Variants in TAFA2 observed in about 807,000 individuals in gnomAD.
TAFA2 encodes TAFA chemokine like family member 2, also known as chemokine-like protein TAFA-2.
TAFA2 carries 7 observed loss-of-function variants against 18.8 expected under a neutral mutation model. That is an observed-to-expected ratio of 0.37 (90% confidence interval 0.21 to 0.70). The LOEUF (loss-of-function observed/expected upper bound fraction) is 0.70, where lower values mean the gene tolerates loss of function less well. Among genes scored for constraint, TAFA2 ranks in the 30% least tolerant of loss-of-function variants. The pLI is 0.53. For missense variants in TAFA2, 122 were observed against 158.1 expected (o/e 0.77, Z 1.23); for synonymous variants, 60 against 54.2 (o/e 1.11, Z -0.47).
intron 1 of TAFA2, among the ~76,000 whole-genome samples, chr12:62,255,693 A>G (rs546781074): frequency 1.1e-4 from 17 of 151,660 alleles, no homozygotes; most frequent in Non-Finnish European, 2.4e-4. Context: ...TCTCTACTAA[A>G]AATACAAAAA....
At position 62,077,280 on chromosome 12, in the gene TAFA2, C is replaced by T. The variant is rs528049061; in HGVS notation, c.-2+113979G>A. ...ATATAAACATGGTTTAATGAGGATG[C>T]TTTTATTCTGTGTTCTGTTCCCATT... On this transcript the variant is annotated intron_variant, in intron 1 of 4. Transcript: ENST00000416284. Among the ~76,000 whole-genome samples, 167 of 152,228 alleles carry T rather than the reference C, an allele frequency of 1.1e-3. 1 individual carries two copies. Among genetic ancestry groups the T allele is most frequent in the African/African-American group, 3.9e-3 (162 of 41,536 alleles).
At chr12:61,832,895 T>A (rs892307124) in intron 2 of TAFA2, among the ~76,000 whole-genome samples, 1 of 151,650 alleles carries the variant, frequency 6.6e-6, no homozygotes, top group African/African-American at 2.4e-5. Context: ...GACCAGCTCA[T>A]CCAATACTAG....
intron 1 of TAFA2, among the ~76,000 whole-genome samples, chr12:61,927,533 C>A (rs1014142876): frequency 1.3e-5 from 2 of 152,146 alleles, no homozygotes; most frequent in African/African-American, 2.4e-5. Context: ...AATGGGAAAA[C>A]ATTCCATGCT....
chr12:62,131,367 A>G (rs564946398), intron 1 of TAFA2, among the ~76,000 whole-genome samples: 12 of 152,164 alleles, frequency 7.9e-5, no homozygotes, highest in East Asian at 7.7e-4. Context: ...GCTCCTCCCT[A>G]TTAAGGGCTG....
At chr12:62,162,066 T>C (rs531226688) in intron 1 of TAFA2, among the ~76,000 whole-genome samples, 31 of 152,316 alleles carry the variant, frequency 2.0e-4, no homozygotes, top group South Asian at 1.5e-3. Flanking sequence ...GAAATGTATG[T>C]AAATCCTTCT....
At chr12:62,168,706 G>A (rs865980588) in intron 1 of TAFA2, among the ~76,000 whole-genome samples, 2 of 151,962 alleles carry the variant, frequency 1.3e-5, no homozygotes, top group South Asian at 4.1e-4. Context: ...GCATGGAGGC[G>A]TGCACCTGTG....
intron 1 of TAFA2, among the ~76,000 whole-genome samples, chr12:62,109,898 T>C (rs893960035): frequency 6.6e-6 from 1 of 152,242 alleles, no homozygotes; most frequent in African/African-American, 2.4e-5. Flanking sequence ...TGGGGTTTTC[T>C]AAATATACAA....
At chr12:62,106,047 T>C (rs1869434051) in intron 1 of TAFA2, among the ~76,000 whole-genome samples, 1 of 151,978 alleles carries the variant, frequency 6.6e-6, no homozygotes, top group South Asian at 2.1e-4. Context: ...TAAAGAAAAG[T>C]ATAGGCCGGG....
At chr12:61,769,262 C>T (rs1030438762) in intron 2 of TAFA2, among the ~76,000 whole-genome samples, 6 of 151,378 alleles carry the variant, frequency 4.0e-5, no homozygotes, top group African/African-American at 9.6e-5. Context: ...CTACCCACCC[C>T]GGTAGTCAAA....
intron 1 of TAFA2, among the ~76,000 whole-genome samples, chr12:62,209,271 TAGTG>T (rs1199106536): frequency 6.6e-6 from 1 of 152,292 alleles, no homozygotes; most frequent in Non-Finnish European, 1.5e-5. Flanking sequence ...ATTCTCATAA[TAGTG>T]AGTAAGTTCT....
chr12:61,987,833 A>G (rs1879868993), intron 1 of TAFA2, among the ~76,000 whole-genome samples: 1 of 152,218 alleles, frequency 6.6e-6, no homozygotes, highest in South Asian at 2.1e-4. Context: ...AAAAAGATCA[A>G]GGGGAAAATC....
intron 1 of TAFA2, among the ~76,000 whole-genome samples, chr12:62,091,490 A>G (rs955346587): frequency 6.6e-6 from 1 of 151,940 alleles, no homozygotes; most frequent in African/African-American, 2.4e-5. Context: ...ATATTTTTAT[A>G]CCATGCACTT....
chr12:61,724,685 C>T (rs562544337), intron 4 of TAFA2, among the ~76,000 whole-genome samples: 26 of 151,636 alleles, frequency 1.7e-4, no homozygotes, highest in African/African-American at 6.0e-4. Context: ...TGGCCTCCAT[C>T]CAGGTTACTG....
chr12:62,010,782 C>T (rs111547510), intron 1 of TAFA2, among the ~76,000 whole-genome samples: 26,323 of 142,176 alleles, frequency 0.19, 2,697 homozygotes, highest in African/African-American at 0.26. Flanking sequence ...AGGTGAGGGG[C>T]GCCTCTGCCC....
intron 1 of TAFA2, among the ~76,000 whole-genome samples, chr12:62,003,639 T>C (rs1880452116): frequency 6.6e-6 from 1 of 152,204 alleles, no homozygotes; most frequent in African/African-American, 2.4e-5. Context: ...AAATGTCTAC[T>C]CTACTATACA....
At chr12:61,824,659 T>C (rs1872466620) in intron 2 of TAFA2, among the ~76,000 whole-genome samples, 2 of 152,204 alleles carry the variant, frequency 1.3e-5, no homozygotes, top group South Asian at 4.1e-4. Flanking sequence ...GGCTGGTTCT[T>C]TGGCCATTCC....
rs79297192 is a variant in TAFA2 at position 62,152,828 on chromosome 12, T to C, written c.-2+38431A>G. 5.3e-3 allele frequency among the ~76,000 whole-genome samples: 811 copies of C among 152,320 alleles called. 9 individuals are homozygous for C. The highest frequency in any genetic ancestry group is 0.017 in the African/African-American group (704 of 41,568). ...GAGCCAGTTCTCCAGAAAATATTCA[T>C]GTTTTAATTTTAACCAATCTCCACG... On this transcript the variant is annotated intron_variant, in intron 1 of 4. Coordinates refer to ENST00000416284, the MANE Select transcript of TAFA2 (RefSeq NM_178539.5).
At chr12:62,224,421 T>G (rs2062777597) in intron 1 of TAFA2, among the ~76,000 whole-genome samples, 1 of 152,076 alleles carries the variant, frequency 6.6e-6, no homozygotes, top group Admixed American at 6.5e-5. Context: ...CACTTTCTGC[T>G]TCATAGGTGG....
At chr12:62,019,468 C>T (rs2136726182) in intron 1 of TAFA2, among the ~76,000 whole-genome samples, 1 of 149,176 alleles carries the variant, frequency 6.7e-6, no homozygotes, top group East Asian at 1.9e-4. Context: ...GGCACATATA[C>T]ACCATGGAAT....
Sources: allele counts gnomAD v4.1 joint callset (sites outside exome capture counted in the v4.1 genomes callset), GRCh38; gene constraint gnomAD v4.1.1; transcripts MANE v1.5; gene names NCBI Gene and HGNC (gene_info 2026-07-23, HGNC 2026-07-21).